HS1BP3: variants seen among roughly 807,000 people sequenced by gnomAD.
HS1BP3 encodes HCLS1-binding protein 3.
A neutral mutation model predicts 33.5 loss-of-function variants in HS1BP3; 32 were observed. The ratio of observed to expected loss-of-function variants is 0.95; its 90% CI spans 0.72 to 1.28. The LOEUF (loss-of-function observed/expected upper bound fraction) is 1.28. Ranked by LOEUF, HS1BP3 falls within the 50% of genes most tolerant of loss-of-function variation. The pLI is 0.00. For synonymous variants in HS1BP3, 187 were observed against 209.2 expected (o/e 0.89, Z 0.92); for missense variants, 486 against 502.3 (o/e 0.97, Z 0.31).
At chr2:20,634,992 G>A (rs1201769968) in intron 4 of HS1BP3, 1 of 152,068 alleles carries the variant, frequency 6.6e-6, no homozygotes, top group Non-Finnish European at 1.5e-5. Context: ...CCCAGGGCCT[G>A]GAGGGGGTCC....
In HS1BP3 at chr2:20,645,331, C is replaced by T. The variant is rs984328494; in HGVS notation, c.198+9G>A. 2 of 1,612,294 alleles carry T rather than the reference C, an allele frequency of 1.2e-6. No homozygotes were observed. The highest frequency in any genetic ancestry group is 2.7e-5 in the African/African-American group (2 of 74,910). On this transcript the variant is annotated intron_variant, in intron 2 of 6. Transcript: ENST00000304031. ...CCTCGAAACATCCTGGCCAGAGCCT[C>T]CGGCTCACCAAGAACTGGACGACAT...
At chr2:20,577,087 C>T (rs1693418654) in intron 5 of HS1BP3, among the ~76,000 whole-genome samples, 1 of 152,134 alleles carries the variant, frequency 6.6e-6, no homozygotes, top group African/African-American at 2.4e-5. Context: ...GTTGGGTTTT[C>T]AGAGTAAACA....
At chr2:20,646,710 T>C (rs988149115) in intron 1 of HS1BP3, among the ~76,000 whole-genome samples, 2 of 152,148 alleles carry the variant, frequency 1.3e-5, no homozygotes, top group South Asian at 2.1e-4. Context: ...CGGCACCGAG[T>C]TCACGCAGTG....
intron 5 of HS1BP3, among the ~76,000 whole-genome samples, chr2:20,562,211 G>A (rs1693016969): frequency 6.6e-6 from 1 of 152,166 alleles, no homozygotes; most frequent in Non-Finnish European, 1.5e-5. Flanking sequence ...AGGCACTGTG[G>A]CTCACACCTG....
At chr2:20,624,311 T>C (rs920385558) in intron 5 of HS1BP3, among the ~76,000 whole-genome samples, 12 of 152,138 alleles carry the variant, frequency 7.9e-5, no homozygotes, top group African/African-American at 2.9e-4. Context: ...TCACCAAGTA[T>C]GGGCTGAATT....
chr2:20,643,947 C>T (rs1409005751), intron 2 of HS1BP3, among the ~76,000 whole-genome samples: 3 of 152,080 alleles, frequency 2.0e-5, no homozygotes, highest in Non-Finnish European at 2.9e-5. Flanking sequence ...AAAAAGGAAA[C>T]ATTTGTGCTG....
At chr2:20,598,086 T>G (rs930457055) in intron 3 of HS1BP3, 16 of 169,994 alleles carry the variant, frequency 9.4e-5, no homozygotes, top group Non-Finnish European at 2.1e-4. Context: ...GGAAGACAAT[T>G]TTTCCACAAA....
intron 4 of HS1BP3, chr2:20,635,602 T>C (rs764119627): frequency 9.2e-5 from 14 of 152,268 alleles, no homozygotes; most frequent in Non-Finnish European, 1.5e-4. Flanking sequence ...GAATGTCAAT[T>C]TTCTCAGCAC....
Position 20,645,443 on chromosome 2 carries a change from C to T in HS1BP3, c.95G>A (p.Gly32Asp), listed in dbSNP as rs1484874751. 2.5e-6 allele frequency: 4 copies of T among 1,614,014 alleles called. No homozygotes were observed. Among genetic ancestry groups the T allele is most frequent in the Non-Finnish European group, 2.5e-6 (3 of 1,180,030 alleles). The change falls in exon 2 of 7, where the codon GGC becomes GAC. Residue 32 changes from glycine to aspartate, a missense_variant. By Grantham distance (94) the Gly-to-Asp change is moderately conservative. Transcript: ENST00000304031. Reference protein sequence around the residue: ...LTVPQHQEVRGKMMSGHVEYQ... With the variant: ...LTVPQHQEVRDKMMSGHVEYQ... The stretch of plus-strand genomic sequence containing the variant: ...CTCCACGTGTCCAGACATCATCTTG[C>T]CCCGTACCTCCTGGTGCTGGGGCAC...
downstream of HS1BP3, among the ~76,000 whole-genome samples, chr2:20,556,776 T>A (rs1431020149): frequency 6.6e-6 from 1 of 152,234 alleles, no homozygotes; most frequent in African/African-American, 2.4e-5. Context: ...GGGCCATGAC[T>A]GCCGTGTTCA....
At chr2:20,621,683 G>T in intron 6 of HS1BP3, among the ~76,000 whole-genome samples, 1 of 152,234 alleles carries the variant, frequency 6.6e-6, no homozygotes, top group East Asian at 1.9e-4. Context: ...TAAAGCAGCC[G>T]CTAGAGGCTT....
intron 2 of HS1BP3, among the ~76,000 whole-genome samples, chr2:20,602,897 C>G (rs1388895067): frequency 1.3e-5 from 2 of 152,216 alleles, no homozygotes; most frequent in East Asian, 3.9e-4. Context: ...AAAGACAACA[C>G]AATATAAAGA....
At position 20,577,786 on chromosome 2, in the gene HS1BP3, A is replaced by T. The variant is rs559756425; in HGVS notation, c.303-17271T>A. Among the ~76,000 whole-genome samples, 7 of 152,262 alleles carry T rather than the reference A, an allele frequency of 4.6e-5. No individual in the cohort carries two copies. The South Asian group carries it at 1.5e-3, about 32-fold the overall frequency. The stretch of plus-strand genomic sequence containing the variant: ...TCTTGGAGCAGCAGATTAAAGTATG[A>T]GGGGGTATTGTCTAAGCTACACTCC... On this transcript the variant is annotated intron_variant, in intron 5 of 5. Transcript: ENST00000446825.
At chr2:20,563,883 T>C (rs1461007738) in intron 5 of HS1BP3, among the ~76,000 whole-genome samples, 1 of 152,190 alleles carries the variant, frequency 6.6e-6, no homozygotes, top group Non-Finnish European at 1.5e-5. Context: ...ACCTGCTGAA[T>C]CAGACCCCAA....
At position 20,619,002 on chromosome 2, in the gene HS1BP3, G is replaced by T; in HGVS notation, c.1164C>A (p.Ala388=). The T allele has an allele frequency of 6.2e-7, 1 of 1,613,870 alleles. No homozygotes were observed. Among genetic ancestry groups the T allele is most frequent in the Non-Finnish European group, 8.5e-7 (1 of 1,179,886 alleles). The change falls in exon 7 of 7, where the codon GCC becomes GCA. Residue 388 remains alanine (A), a synonymous_variant. Coordinates refer to ENST00000304031, the MANE Select transcript of HS1BP3 (RefSeq NM_022460.4). ...CATGGAAGGGTCAGAAGAGGCTGGG[G>T]GCGGCCTGGGCTGGTGTATCGTGGT... ...IQDHDTPAQA[A]PSLF
intron 2 of HS1BP3, among the ~76,000 whole-genome samples, chr2:20,610,097 CAG>C (rs1210038894): frequency 1.3e-5 from 2 of 152,112 alleles, no homozygotes; most frequent in Admixed American, 6.5e-5. Context: ...CACAATTGAA[CAG>C]AGAGTACAAA....
intron 1 of HS1BP3, 104 bp downstream of exon 1, chr2:20,650,928 T>C: frequency 9.6e-7 from 1 of 1,040,690 alleles, no homozygotes; most frequent in Non-Finnish European, 1.2e-6. Flanking sequence ...TGGGGAGACC[T>C]GCACCAGGTC....
chr2:20,596,741 C>T (rs140306678), intron 3 of HS1BP3, among the ~76,000 whole-genome samples: 1 of 152,334 alleles, frequency 6.6e-6, no homozygotes, highest in Non-Finnish European at 1.5e-5. Context: ...TGTACTCTGT[C>T]CTTCTACCCA....
intron 2 of HS1BP3, among the ~76,000 whole-genome samples, chr2:20,642,531 C>A (rs1443914700): frequency 1.3e-5 from 2 of 152,254 alleles, no homozygotes; most frequent in African/African-American, 4.8e-5. Context: ...AGCTGTGACT[C>A]CAGCCCGGCC....
Sources: allele counts gnomAD v4.1 joint callset (sites outside exome capture counted in the v4.1 genomes callset), GRCh38; gene constraint gnomAD v4.1.1; transcripts MANE v1.5; gene names NCBI Gene and HGNC (gene_info 2026-07-23, HGNC 2026-07-21).